AKT3: variants seen among roughly 807,000 people sequenced by gnomAD.
AKT3 encodes the protein RAC-gamma serine/threonine-protein kinase.
A neutral mutation model predicts 65.3 loss-of-function variants in AKT3; 15 were observed. That is an observed-to-expected ratio of 0.23 (90% CI 0.15 to 0.35). The LOEUF (loss-of-function observed/expected upper bound fraction) is 0.35. AKT3 is among the 10% of genes least tolerant of loss of function. AKT3 has a pLI of 1.00. For synonymous variants in AKT3, 206 were observed against 183.8 expected, an observed-to-expected ratio of 1.12 and a Z score of -0.98; for missense variants, 243 against 576.5, an observed-to-expected ratio of 0.42 and a Z score of 5.92.
intron 10 of AKT3, among the ~76,000 whole-genome samples, chr1:243,553,621 CA>C (rs372495938): frequency 6.6e-6 from 1 of 151,378 alleles, no homozygotes; most frequent in African/African-American, 2.4e-5. Flanking sequence ...CCTGTTACAG[CA>C]AAAAAAATGG....
intron 2 of AKT3, among the ~76,000 whole-genome samples, chr1:243,819,662 C>G (rs1572403545): frequency 6.6e-6 from 1 of 152,232 alleles, no homozygotes; most frequent in South Asian, 2.1e-4. Flanking sequence ...TTTCATTAAG[C>G]AGGTCCTGGA....
At chr1:243,611,981 T>C (rs1190325585) in intron 8 of AKT3, among the ~76,000 whole-genome samples, 2 of 152,220 alleles carry the variant, frequency 1.3e-5, no homozygotes, top group African/African-American at 4.8e-5. Flanking sequence ...TTCTAATTTG[T>C]AATACACTAA....
chr1:243,565,195 G>A (rs1355273737), intron 9 of AKT3, among the ~76,000 whole-genome samples: 2 of 152,066 alleles, frequency 1.3e-5, no homozygotes, highest in African/African-American at 4.8e-5. Flanking sequence ...TCTACAGAAA[G>A]CTGAATGAAC....
chr1:243,791,350 A>G (rs7553458), intron 2 of AKT3, among the ~76,000 whole-genome samples: 126,037 of 151,582 alleles, frequency 0.83, 52,561 homozygotes, highest in Non-Finnish European at 0.86. Flanking sequence ...CAGAACCCAC[A>G]ATGGGTATGA....
chr1:243,645,409 C>T (rs757080739), intron 5 of AKT3, among the ~76,000 whole-genome samples: 2 of 152,140 alleles, frequency 1.3e-5, no homozygotes, highest in African/African-American at 2.4e-5. Context: ...TCCCTACTGA[C>T]TCAGAAGCAG....
chr1:243,843,688 T>G, intron 1 of AKT3: 1 of 622,950 alleles, frequency 1.6e-6, no homozygotes, highest in Non-Finnish European at 2.0e-6. Context: ...AATCTCACTC[T>G]GTCGCCAGGC....
At chr1:243,672,582 G>C (rs577768153) in intron 3 of AKT3, among the ~76,000 whole-genome samples, 1 of 152,286 alleles carries the variant, frequency 6.6e-6, no homozygotes, top group African/African-American at 2.4e-5. Flanking sequence ...TCTAGAAGAT[G>C]TTTTTCACTT....
chr1:243,545,658 C>A, intron 11 of AKT3, 61 bp from the exon 12 acceptor site: 2 of 1,213,694 alleles, frequency 1.6e-6, no homozygotes, highest in Admixed American at 1.9e-5. Context: ...CAAAGCATAA[C>A]AAAAAATATT....
rs1356399212 is a variant in AKT3, at chr1:243,843,174, G to T, written c.-4C>A. On this transcript the variant is annotated 5_prime_UTR_variant, in exon 2 of 14. Transcript: ENST00000673466. ...TCACAATGGTAACATCGCTCATGAT[G>T]ACTCCCCTCTGAGCCCCCAACTTGG... 1 of 1,613,172 alleles carries T rather than the reference G, an allele frequency of 6.2e-7. No individual in the cohort carries two copies. Among genetic ancestry groups the T allele is most frequent in the Non-Finnish European group, 8.5e-7 (1 of 1,179,568 alleles).
intron 5 of AKT3, among the ~76,000 whole-genome samples, chr1:243,645,386 G>A (rs1680730810): frequency 6.6e-6 from 1 of 152,096 alleles, no homozygotes; most frequent in Non-Finnish European, 1.5e-5. Flanking sequence ...ACTGAGAGAA[G>A]GAAAAGTCTA....
intron 1 of AKT3, 31 bp downstream of exon 1, chr1:243,850,009 G>T: frequency 1.0e-6 from 1 of 984,466 alleles, no homozygotes; most frequent in South Asian, 4.5e-5. Flanking sequence ...CAGGCGGGGA[G>T]GGGGCTAGAG....
intron 3 of AKT3, among the ~76,000 whole-genome samples, chr1:243,685,803 A>G (rs1684250079): frequency 6.6e-6 from 1 of 152,164 alleles, no homozygotes; most frequent in South Asian, 2.1e-4. Context: ...ATAGGAAGAG[A>G]GGAAGTCAAA....
intron 8 of AKT3, among the ~76,000 whole-genome samples, chr1:243,601,148 T>A (rs1050191827): frequency 1.3e-5 from 2 of 152,128 alleles, no homozygotes; most frequent in Non-Finnish European, 2.9e-5. Context: ...CAATTTCCCA[T>A]TATGAAATGA....
chr1:243,607,506 G>A (rs1388876554), intron 8 of AKT3, among the ~76,000 whole-genome samples: 1 of 152,194 alleles, frequency 6.6e-6, no homozygotes, highest in Non-Finnish European at 1.5e-5. Context: ...TGGAATGGGT[G>A]TATTTACCCA....
chr1:243,760,237 G>A (rs529172709), intron 2 of AKT3, among the ~76,000 whole-genome samples: 2 of 144,858 alleles, frequency 1.4e-5, no homozygotes, highest in African/African-American at 5.1e-5. Flanking sequence ...TCCTATCTCA[G>A]CCTCTCAAAT....
At chr1:243,848,529 C>T (rs1011860793) in intron 1 of AKT3, among the ~76,000 whole-genome samples, 1 of 152,184 alleles carries the variant, frequency 6.6e-6, no homozygotes, top group Non-Finnish European at 1.5e-5. Flanking sequence ...CTTCCACCTT[C>T]GTTTTCCTAA....
intron 8 of AKT3, among the ~76,000 whole-genome samples, chr1:243,599,059 T>C (rs1676828086): frequency 6.6e-6 from 1 of 152,152 alleles, no homozygotes; most frequent in Non-Finnish European, 1.5e-5. Context: ...TCAAAAGTTA[T>C]CAGATTGTAC....
chr1:243,731,331 A>G (rs1687553446), intron 2 of AKT3, among the ~76,000 whole-genome samples: 1 of 152,210 alleles, frequency 6.6e-6, no homozygotes. Context: ...AATAGAGAAC[A>G]AAGAGTCTGC....
At chr1:243,585,809 C>T (rs1315729944) in intron 8 of AKT3, among the ~76,000 whole-genome samples, 3 of 152,100 alleles carry the variant, frequency 2.0e-5, no homozygotes, top group Admixed American at 6.5e-5. Context: ...CTAAGAAACA[C>T]CATTCTTGAC....
Sources: allele counts gnomAD v4.1 joint callset (sites outside exome capture counted in the v4.1 genomes callset), GRCh38; gene constraint gnomAD v4.1.1; transcripts MANE v1.5; gene names NCBI Gene and HGNC (gene_info 2026-07-23, HGNC 2026-07-21).